The following KIAA1671 variants were observed in gnomAD, a reference collection of about 807,000 sequenced individuals.
The protein encoded by KIAA1671 is uncharacterized protein KIAA1671.
Under a neutral mutation model 131.2 loss-of-function variants are expected in KIAA1671, and 52 were observed. That is an observed-to-expected ratio of 0.40 (90% CI 0.32 to 0.50). The LOEUF is 0.50. Ranked by LOEUF, KIAA1671 falls within the 20% of genes least tolerant of loss-of-function variation. The probability of loss-of-function intolerance (pLI) is 0.73; values close to 1 mark genes in which losing one functional copy is unlikely to be tolerated. For missense variants in KIAA1671, 2,360 were observed against 2,364.2 expected, an observed-to-expected ratio of 1.00 and a Z score of 0.04; for synonymous variants, 1,003 against 961.6, an observed-to-expected ratio of 1.04 and a Z score of -0.80.
At chr22:25,184,412 G>T (rs1934400862) in intron 10 of KIAA1671, among the ~76,000 whole-genome samples, 1 of 152,320 alleles carries the variant, frequency 6.6e-6, no homozygotes, top group East Asian at 1.9e-4. Context: ...GACTGCTGTT[G>T]CTGGGGGCTG....
At chr22:24,990,300 A>G (rs1923769221) in intron 1 of KIAA1671, among the ~76,000 whole-genome samples, 1 of 152,108 alleles carries the variant, frequency 6.6e-6, no homozygotes, top group Non-Finnish European at 1.5e-5. Context: ...TCTGTTGGCC[A>G]TGCTGGTCTC....
intron 1 of KIAA1671, among the ~76,000 whole-genome samples, chr22:24,960,171 T>C (rs1921939223): frequency 6.7e-6 from 1 of 148,316 alleles, no homozygotes; most frequent in African/African-American, 2.6e-5. Context: ...ATAAATAAAA[T>C]AAAACAAATA....
In KIAA1671 at chr22:25,109,138, C is replaced by G. The variant is rs188543618; in HGVS notation, c.4530+59774C>G. 3.6e-3 allele frequency among the ~76,000 whole-genome samples: 551 copies of G among 151,076 alleles called. 1 individual carries two copies. The highest frequency in any genetic ancestry group is 7.2e-3 in the Admixed American group (109 of 15,206). On this transcript the variant is annotated intron_variant, in intron 6 of 12. Coordinates refer to ENST00000358431, the MANE Select transcript of KIAA1671 (RefSeq NM_001145206.2). ...TCTTTTTTTTTTTTTTAGACGGAGT[C>G]TCACTCTGTCACCCAGGCTGGAGCG...
intron 1 of KIAA1671, among the ~76,000 whole-genome samples, chr22:24,967,515 G>A (rs1922359560): frequency 6.6e-6 from 1 of 152,164 alleles, no homozygotes; most frequent in African/African-American, 2.4e-5. Context: ...TATTTGTTGA[G>A]CATCTACTGT....
At chr22:24,997,047 C>T (rs7287818) in intron 1 of KIAA1671, among the ~76,000 whole-genome samples, 30,716 of 152,190 alleles carry the variant, frequency 0.2, 3,298 homozygotes, top group East Asian at 0.44. Flanking sequence ...TCTTACCCTC[C>T]ATGCAGTGAC....
At chr22:25,000,982 CT>C (rs541099463) in intron 1 of KIAA1671, among the ~76,000 whole-genome samples, 97 of 151,650 alleles carry the variant, frequency 6.4e-4, no homozygotes, top group African/African-American at 2.2e-3. Context: ...TGAAGTTGAA[CT>C]TTTTTTTCAT....
chr22:25,032,501 G>A, intron 3 of KIAA1671, 108 bp from the exon 4 acceptor site: 2 of 612,224 alleles, frequency 3.3e-6, no homozygotes, highest in Non-Finnish European at 2.9e-6. Context: ...AAGTGGAAAG[G>A]AAATGTCCTT....
In KIAA1671 at chr22:25,028,978, A is replaced by G. The variant is rs1926117550; in HGVS notation, c.979A>G (p.Arg327Gly). 6.5e-7 allele frequency: 1 copy of G among 1,536,752 alleles called. No individual in the cohort carries two copies. ...ERPRAASKLD[R>G]DCLVKAEAPL... ...GCCCAGAGCAGCGTCCAAGCTGGACAGGGACTGTTTGGTCAAGGCGGAGGC... is the reference window on the plus strand; with the variant it reads ...GCCCAGAGCAGCGTCCAAGCTGGACGGGGACTGTTTGGTCAAGGCGGAGGC... Residue 327 changes from arginine (R) to glycine (G), a missense_variant, in exon 3 of 13, where the codon AGG becomes GGG. Transcript: ENST00000358431.
intron 6 of KIAA1671, among the ~76,000 whole-genome samples, chr22:25,107,192 C>T (rs1342963954): frequency 1.3e-5 from 2 of 152,006 alleles, no homozygotes; most frequent in Admixed American, 6.6e-5. Context: ...ATCAGGAGAT[C>T]AAGACCATCC....
At chr22:24,996,257 C>A (rs547865265) in intron 1 of KIAA1671, among the ~76,000 whole-genome samples, 3 of 151,876 alleles carry the variant, frequency 2.0e-5, no homozygotes, top group Non-Finnish European at 4.4e-5. Context: ...TTTAGAGCTT[C>A]ATTGCTGGTG....
chr22:25,054,267 G>C (rs896298683), intron 6 of KIAA1671: 1 of 149,088 alleles, frequency 6.7e-6, no homozygotes, highest in Admixed American at 6.7e-5. Context: ...AAAGAAGGTA[G>C]GTAAATAATT....
chr22:25,101,086 G>A (rs1376885132), intron 6 of KIAA1671, among the ~76,000 whole-genome samples: 1 of 152,206 alleles, frequency 6.6e-6, no homozygotes, highest in Non-Finnish European at 1.5e-5. Flanking sequence ...CGAGCCAACA[G>A]TATGGAACTT....
intron 1 of KIAA1671, among the ~76,000 whole-genome samples, chr22:24,954,497 G>A (rs1214337055): frequency 6.6e-6 from 1 of 152,148 alleles, no homozygotes; most frequent in Non-Finnish European, 1.5e-5. Flanking sequence ...GCAGTGTCTG[G>A]ACATACATTT....
At chr22:25,180,743 A>G (rs1027537279) in intron 9 of KIAA1671, among the ~76,000 whole-genome samples, 9 of 152,214 alleles carry the variant, frequency 5.9e-5, no homozygotes, top group African/African-American at 2.2e-4. Flanking sequence ...GATACCTTAA[A>G]GAAATGCTTG....
At chr22:25,131,614 C>A (rs1387421287) in intron 6 of KIAA1671, among the ~76,000 whole-genome samples, 2 of 152,264 alleles carry the variant, frequency 1.3e-5, no homozygotes, top group Non-Finnish European at 2.9e-5. Flanking sequence ...TGGGGGCCAC[C>A]TTCAGCCCTG....
intron 6 of KIAA1671, among the ~76,000 whole-genome samples, chr22:25,105,263 C>G (rs1409332737): frequency 6.6e-6 from 1 of 152,172 alleles, no homozygotes; most frequent in African/African-American, 2.4e-5. Context: ...CTCAGAGAAT[C>G]TACCCACCTG....
chr22:25,180,398 C>T (rs1934225783), intron 9 of KIAA1671, among the ~76,000 whole-genome samples: 1 of 152,134 alleles, frequency 6.6e-6, no homozygotes, highest in African/African-American at 2.4e-5. Context: ...AATAGCTGGG[C>T]ATGATGGCAC....
At chr22:25,044,185 C>T (rs1418909595) in intron 5 of KIAA1671, among the ~76,000 whole-genome samples, 1 of 152,206 alleles carries the variant, frequency 6.6e-6, no homozygotes, top group African/African-American at 2.4e-5. Context: ...GTGTGTAAAG[C>T]AGCCTCTTGG....
chr22:25,069,826 A>G (rs9620482), intron 6 of KIAA1671: 10,454 of 152,332 alleles, frequency 0.069, 1,174 homozygotes, highest in African/African-American at 0.24. Flanking sequence ...GAGGAACCAC[A>G]TACATTTGGG....
Sources: gnomAD v4.1 joint callset for allele counts (sites outside exome capture counted in the v4.1 genomes callset) on GRCh38, gnomAD v4.1.1 for gene constraint, MANE v1.5 for transcripts, NCBI Gene and HGNC (gene_info 2026-07-23, HGNC 2026-07-21) for gene names.